The following PCDHGA7 variants were observed in gnomAD, a reference collection of about 807,000 sequenced individuals.
PCDHGA7 encodes protocadherin gamma subfamily A, 7, also known as protocadherin gamma-A7.
In PCDHGA7, 44 loss-of-function variants were observed where a neutral mutation model predicts 58.3. That is an observed-to-expected ratio of 0.75 (90% CI 0.59 to 0.97). The LOEUF (loss-of-function observed/expected upper bound fraction) is 0.97, where lower values mean the gene tolerates loss of function less well. PCDHGA7 is among the 50% of genes least tolerant of loss of function. PCDHGA7 has a pLI of 0.00. For missense variants in PCDHGA7, 1,266 were observed against 1,188.7 expected (o/e 1.06, Z -0.96); for synonymous variants, 516 against 504.2 (o/e 1.02, Z -0.31).
chr5:141,449,688 T>G (rs951233495), intron 1 of PCDHGA7, among the ~76,000 whole-genome samples: 2 of 151,772 alleles, frequency 1.3e-5, no homozygotes, highest in African/African-American at 4.8e-5. Context: ...TATGTTTGTG[T>G]GTATGTACAC....
chr5:141,433,029 T>C (rs2097561523), intron 1 of PCDHGA7: 2 of 1,613,998 alleles, frequency 1.2e-6, no homozygotes, highest in African/African-American at 2.7e-5. Flanking sequence ...TCCCACGAGG[T>C]TTCCCTCACC....
intron 1 of PCDHGA7, chr5:141,402,874 C>T: frequency 2.7e-6 from 4 of 1,460,728 alleles, no homozygotes; most frequent in South Asian, 1.5e-5. Flanking sequence ...GATCACCATA[C>T]TTTGCAGGGT....
rs760617436 is a variant in PCDHGA7 at position 141,410,113 on chromosome 5, A to T, written c.2424+24790A>T. On this transcript the variant is annotated intron_variant, in intron 1 of 3. Transcript: ENST00000518325. The stretch of plus-strand genomic sequence containing the variant: ...CTCGAGCCTTAGGCGACAGGGACGC[A>T]GCCCGCCAGCGCCTGCTGGTCGCTG... 5 of 1,612,436 alleles carry T rather than the reference A, an allele frequency of 3.1e-6. No individual in the cohort carries two copies. The African/African-American group carries it at 6.7e-5, about 22-fold the overall frequency.
intron 1 of PCDHGA7, among the ~76,000 whole-genome samples, chr5:141,473,542 G>A (rs1444751260): frequency 6.6e-6 from 1 of 152,176 alleles, no homozygotes; most frequent in Non-Finnish European, 1.5e-5. Flanking sequence ...GGGGCCTAAT[G>A]GAAGACCTCT....
At chr5:141,473,335 C>T (rs1243738475) in intron 1 of PCDHGA7, among the ~76,000 whole-genome samples, 3 of 152,184 alleles carry the variant, frequency 2.0e-5, no homozygotes, top group Non-Finnish European at 4.4e-5. Context: ...GCCTGCTGTG[C>T]TAGACAGTGA....
intron 1 of PCDHGA7, chr5:141,427,949 C>T (rs2097092193): frequency 1.3e-6 from 2 of 1,586,882 alleles, no homozygotes; most frequent in South Asian, 1.1e-5. Context: ...ACCTCAATGA[C>T]AATGTGCCGC....
chr5:141,471,730 G>A (rs535784858), intron 1 of PCDHGA7, among the ~76,000 whole-genome samples: 1 of 152,292 alleles, frequency 6.6e-6, no homozygotes, highest in East Asian at 1.9e-4. Context: ...GGTAAGGAAG[G>A]TTGGAGACAT....
intron 2 of PCDHGA7, among the ~76,000 whole-genome samples, chr5:141,496,492 C>A (rs2099769172): frequency 6.6e-6 from 1 of 152,186 alleles, no homozygotes; most frequent in Non-Finnish European, 1.5e-5. Context: ...CCAACCAAAC[C>A]CTTGTTGCCA....
chr5:141,384,002 T>C lies in PCDHGA7; in HGVS notation c.1103T>C (p.Leu368Pro). 1 of 1,613,878 alleles carries C rather than the reference T, an allele frequency of 6.2e-7. No individual in the cohort carries two copies. The highest frequency in any genetic ancestry group is 1.1e-5 in the South Asian group (1 of 91,076). Residue 368 changes from leucine to proline, a missense_variant, in exon 1 of 4, where the codon CTT becomes CCT. By Grantham distance (98) the Leu-to-Pro change is moderately conservative (BLOSUM62 -3). Transcript: ENST00000518325. ...EDTPLGTVIALFYLQDRDSGK... is the reference protein window; with the variant it reads ...EDTPLGTVIAPFYLQDRDSGK... Reference sequence around the variant, plus strand: ...ACACCTCTTGGGACAGTCATTGCTCTTTTCTACCTACAAGACAGAGATTCT... The same window carrying C: ...ACACCTCTTGGGACAGTCATTGCTCCTTTCTACCTACAAGACAGAGATTCT...
intron 1 of PCDHGA7, among the ~76,000 whole-genome samples, chr5:141,434,767 C>T (rs2097715264): frequency 6.6e-6 from 1 of 151,182 alleles, no homozygotes. Flanking sequence ...CCACTTCACA[C>T]TTCTAAAAAA....
At chr5:141,404,859 A>G in intron 1 of PCDHGA7, 1 of 1,613,494 alleles carries the variant, frequency 6.2e-7, no homozygotes, top group South Asian at 1.1e-5. Flanking sequence ...CTAGATAGAG[A>G]TGCGCTCAAA....
rs1205836590 is a variant in PCDHGA7 at position 141,476,270 on chromosome 5, G to A, written c.2425-18537G>A. The A allele has an allele frequency of 6.2e-7, 1 of 1,614,088 alleles. No individual in the cohort carries two copies. Among genetic ancestry groups the A allele is most frequent in the Admixed American group, 1.7e-5 (1 of 60,026 alleles). Reference sequence around the variant, plus strand: ...GGGTTTCGCTGTGGGCAACGTGGTCGCGAACCTTGGTTTGGATCTCGGTAG... The same window carrying A: ...GGGTTTCGCTGTGGGCAACGTGGTCACGAACCTTGGTTTGGATCTCGGTAG... On this transcript the variant is annotated intron_variant, in intron 1 of 3. Transcript: ENST00000518325. The surrounding 1 kb of genome is among the most constrained non-coding windows in gnomAD (Gnocchi z 7.6).
chr5:141,414,767 AGCTACAGAT>A, intron 1 of PCDHGA7: 2 of 1,614,190 alleles, frequency 1.2e-6, no homozygotes, highest in Middle Eastern at 1.6e-4. Flanking sequence ...CAGTTTCATG[AGCTACAGAT>A]GCAGGTGACA....
At position 141,489,397 on chromosome 5, in the gene PCDHGA7, G is replaced by A. The variant is rs1307106048; in HGVS notation, c.2425-5410G>A. 2.5e-6 allele frequency: 4 copies of A among 1,614,058 alleles called. No homozygotes were observed. The highest frequency in any genetic ancestry group is 2.7e-5 in the African/African-American group (2 of 74,914). ...GGTGGGGAATGTTGCTCAGGATCTG[G>A]GCTTAAAGATGACAGATCTGTTGAG... On this transcript the variant is annotated intron_variant, in intron 1 of 3. Transcript: ENST00000518325. This position sits in a 1 kb window ranked among gnomAD's most constrained non-coding sequence, Gnocchi z 4.5.
At chr5:141,507,121 G>A (rs940889204) in intron 3 of PCDHGA7, 1 of 152,126 alleles carries the variant, frequency 6.6e-6, no homozygotes, top group African/African-American at 2.4e-5. Flanking sequence ...GGCTGCCTTT[G>A]GATCCAGCCT....
chr5:141,434,747 C>T (rs2097714000), intron 1 of PCDHGA7, among the ~76,000 whole-genome samples: 1 of 151,606 alleles, frequency 6.6e-6, no homozygotes, highest in South Asian at 2.1e-4. Flanking sequence ...GCTATGAGAC[C>T]CCTGATTCCC....
chr5:141,480,112 C>T (rs531082602), intron 1 of PCDHGA7, among the ~76,000 whole-genome samples: 2 of 152,190 alleles, frequency 1.3e-5, no homozygotes, highest in Admixed American at 1.3e-4. Flanking sequence ...TAGCATGGTG[C>T]CTGGCATATC....
chr5:141,418,908 C>G, intron 1 of PCDHGA7: 3 of 1,613,932 alleles, frequency 1.9e-6, no homozygotes, highest in Non-Finnish European at 2.5e-6. Flanking sequence ...ATAATCATCA[C>G]GTCACTCTCT....
intron 2 of PCDHGA7, among the ~76,000 whole-genome samples, chr5:141,504,782 G>A (rs2099841011): frequency 6.6e-6 from 1 of 151,926 alleles, no homozygotes; most frequent in Non-Finnish European, 1.5e-5. Context: ...AGGGTCTCTT[G>A]GGGCCTCCTA....
Sources: gnomAD v4.1 joint callset for allele counts (sites outside exome capture counted in the v4.1 genomes callset) on GRCh38, gnomAD v4.1.1 for gene constraint, Gnocchi (gnomAD v3.1) non-coding constraint, MANE v1.5 for transcripts, NCBI Gene and HGNC (gene_info 2026-07-23, HGNC 2026-07-21) for gene names.